FRZB: variants seen among roughly 807,000 people sequenced by gnomAD.
FRZB encodes frizzled related protein.
FRZB carries 34 observed loss-of-function variants against 32.5 expected under a neutral mutation model. The observed-to-expected ratio is 1.05, with a 90% CI of 0.80 to 1.39. FRZB has a LOEUF of 1.39. Among genes scored for constraint, FRZB ranks in the 40% most tolerant of loss-of-function variants. FRZB has a pLI of 0.00. For missense variants in FRZB, 423 were observed against 424.8 expected (o/e 1.00, Z 0.04); for synonymous variants, 170 against 159.2 (o/e 1.07, Z -0.51).
chr2:182,844,261 A>G (rs1559047759), intron 2 of FRZB, among the ~76,000 whole-genome samples: 1 of 152,196 alleles, frequency 6.6e-6, no homozygotes, highest in South Asian at 2.1e-4. Context: ...AACAATGAGT[A>G]ACATTAGTGC....
chr2:182,850,913 A>T (rs1276849612), intron 2 of FRZB, among the ~76,000 whole-genome samples: 1 of 152,182 alleles, frequency 6.6e-6, no homozygotes, highest in Non-Finnish European at 1.5e-5. Context: ...GATAAAAGCC[A>T]TTCAAACTGG....
chr2:182,843,965 G>A (rs1695612711), intron 2 of FRZB, among the ~76,000 whole-genome samples: 1 of 151,934 alleles, frequency 6.6e-6, no homozygotes, highest in South Asian at 2.1e-4. Context: ...GTTAACATGG[G>A]GAACAATAAA....
chr2:182,836,059 T>C (rs146735078), intron 5 of FRZB, among the ~76,000 whole-genome samples: 130 of 152,222 alleles, frequency 8.5e-4, no homozygotes, highest in African/African-American at 3.0e-3. Flanking sequence ...CTGAAGGTAA[T>C]TCTTCATTTC....
At chr2:182,837,520 T>C (rs1281189542) in intron 5 of FRZB, among the ~76,000 whole-genome samples, 2 of 152,002 alleles carry the variant, frequency 1.3e-5, no homozygotes, top group African/African-American at 4.8e-5. Context: ...CTCTTGGAAA[T>C]CCCTTTTACC....
rs758347224 is a variant in FRZB at position 182,858,830 on chromosome 2, A to G, written c.482T>C (p.Phe161Ser). The G allele has an allele frequency of 1.2e-6, 2 of 1,609,116 alleles. No individual in the cohort carries two copies. The highest frequency in any genetic ancestry group is 3.3e-5 in the Admixed American group (2 of 59,994). ...EAIVTADGAD[F>S]PMDSSNGNCR... is the part of the protein sequence containing the mutation. ...GTTTCCGTTACTAGAATCCATAGGAAAATCTGAAAGGAGGTGACAGAAAAA... is the reference window on the plus strand; with the variant it reads ...GTTTCCGTTACTAGAATCCATAGGAGAATCTGAAAGGAGGTGACAGAAAAA... The change falls in exon 2 of 6, where the codon TTT becomes TCT. Residue 161 changes from phenylalanine to serine, a missense_variant. Phe to Ser is a radical substitution (Grantham distance 155). Coordinates refer to ENST00000295113, the MANE Select transcript of FRZB (RefSeq NM_001463.4).
intron 2 of FRZB, among the ~76,000 whole-genome samples, chr2:182,852,965 G>T (rs1333903515): frequency 2.0e-5 from 3 of 152,216 alleles, no homozygotes; most frequent in Non-Finnish European, 4.4e-5. Flanking sequence ...TGACACTTTG[G>T]AAAGAGGTCC....
intron 5 of FRZB, among the ~76,000 whole-genome samples, chr2:182,837,474 C>G (rs1407914005): frequency 6.6e-6 from 1 of 151,994 alleles, no homozygotes; most frequent in East Asian, 1.9e-4. Context: ...CATTTTCTAG[C>G]CTGTTTTGCA....
At chr2:182,864,785 C>T (rs6433994) in intron 1 of FRZB, among the ~76,000 whole-genome samples, 91,843 of 151,664 alleles carry the variant, frequency 0.61, 28,172 homozygotes, top group African/African-American at 0.67. Context: ...GCCTAGACTG[C>T]GCAAGTTGAA....
intron 4 of FRZB, among the ~76,000 whole-genome samples, 174 bp downstream of exon 4, chr2:182,838,235 C>T (rs1199628466): frequency 3.9e-5 from 6 of 151,932 alleles, no homozygotes; most frequent in African/African-American, 2.4e-5. Context: ...ATAAACTACA[C>T]GCATACACCC....
chr2:182,864,303 G>A (rs945852687), intron 1 of FRZB, among the ~76,000 whole-genome samples: 3 of 152,076 alleles, frequency 2.0e-5, no homozygotes, highest in Non-Finnish European at 4.4e-5. Context: ...TGTGCTTTAC[G>A]GGGAGGAATG....
intron 2 of FRZB, among the ~76,000 whole-genome samples, chr2:182,853,483 A>C (rs1033794387): frequency 6.6e-6 from 1 of 152,236 alleles, no homozygotes; most frequent in Non-Finnish European, 1.5e-5. Flanking sequence ...TTCAAATAGC[A>C]ACATTACTGG....
In FRZB at chr2:182,866,503, A is replaced by T; in HGVS notation, c.50T>A (p.Leu17His). 1 of 1,516,576 alleles carries T rather than the reference A, an allele frequency of 6.6e-7. No individual in the cohort carries two copies. The highest frequency in any genetic ancestry group is 2.3e-5 in the East Asian group (1 of 42,702). The allele number at this position is 1,516,576 out of a possible 1,614,324, so 93.9% of individuals were successfully genotyped here. The part of the protein sequence containing the change: ...GGMLLLRAGL[L>H]ALAALCLLRV... ...GAGCAGGCAGAGAGCAGCCAGGGCA[A>T]GCAGCCCGGCCCGCAGCAGCAGCAT... is the stretch of plus-strand genomic sequence containing the variant. Residue 17 changes from leucine (L) to histidine (H), a missense_variant, in exon 1 of 6, where the codon CTT (leucine) becomes CAT (histidine). Transcript: ENST00000295113. This position sits in a 1 kb window ranked among gnomAD's most constrained non-coding sequence, Gnocchi z 4.5.
In FRZB at chr2:182,866,282, T is replaced by C. The variant is rs559528102; in HGVS notation, c.271A>G (p.Met91Val). ...TCAATGGTGCAGATGGGCGCGTACA[T>C]GGCACAGAGGAAGAAGAGCAGATCG... ...SPDLLFFLCA[M>V]YAPICTIDFQ... The change falls in exon 1 of 6, where the codon ATG becomes GTG. Residue 91 changes from methionine to valine, a missense_variant. Transcript: ENST00000295113. The surrounding 1 kb of genome is among the most constrained non-coding windows in gnomAD (Gnocchi z 4.5). 4 of 1,614,220 alleles carry C rather than the reference T, an allele frequency of 2.5e-6. No homozygotes were observed. Among genetic ancestry groups the C allele is most frequent in the African/African-American group, 1.3e-5 (1 of 75,062 alleles).
chr2:182,848,070 T>TAAA (rs11361784), intron 2 of FRZB, among the ~76,000 whole-genome samples: 115 of 139,932 alleles, frequency 8.2e-4, no homozygotes, highest in African/African-American at 3.0e-3. Flanking sequence ...CTCAACATGG[T>TAAA]AAAAAAAAAA....
intron 2 of FRZB, among the ~76,000 whole-genome samples, chr2:182,843,891 A>T (rs979616391): frequency 2.6e-5 from 4 of 152,076 alleles, no homozygotes; most frequent in Admixed American, 2.6e-4. Context: ...AGCTCAAGCC[A>T]CTGCACTCCA....
Position 182,866,514 on chromosome 2 carries a change from C to T in FRZB, c.39G>A (p.Arg13=). The T allele has an allele frequency of 6.7e-7, 1 of 1,497,834 alleles. No individual in the cohort carries two copies. The highest frequency in any genetic ancestry group is 8.9e-7 in the Non-Finnish European group (1 of 1,124,582). 92.8% of individuals were successfully genotyped at this position (1,497,834 alleles called of 1,614,324 possible). The change falls in exon 1 of 6, where the codon CGG becomes CGA. Residue 13 remains arginine (R), a synonymous_variant. Transcript: ENST00000295113. The surrounding 1 kb of genome is among the most constrained non-coding windows in gnomAD (Gnocchi z 4.5). ...CGSPGGMLLL[R]AGLLALAALC... is the part of the protein sequence containing the mutation. ...GAGCAGCCAGGGCAAGCAGCCCGGC[C>T]CGCAGCAGCAGCATCCCTCCCGGGC...
At chr2:182,865,927 A>G in intron 1 of FRZB, 148 bp downstream of exon 1, 1 of 653,754 alleles carries the variant, frequency 1.5e-6, no homozygotes, top group Non-Finnish European at 2.6e-6. Flanking sequence ...AGAAGAAAGA[A>G]GAAGAAGGGT....
intron 1 of FRZB, among the ~76,000 whole-genome samples, chr2:182,861,076 A>G (rs1695826948): frequency 6.6e-6 from 1 of 152,198 alleles, no homozygotes; most frequent in South Asian, 2.1e-4. Flanking sequence ...GTGAAGTCAG[A>G]ATCTCTTATC....
chr2:182,861,215 T>C (rs996285538), intron 1 of FRZB, among the ~76,000 whole-genome samples: 1 of 152,252 alleles, frequency 6.6e-6, no homozygotes, highest in Admixed American at 6.5e-5. Flanking sequence ...ACAGATTCTC[T>C]AGAAAGTTAG....
Sources: allele counts gnomAD v4.1 joint callset (sites outside exome capture counted in the v4.1 genomes callset), GRCh38; gene constraint gnomAD v4.1.1; non-coding constraint Gnocchi (gnomAD v3.1); transcripts MANE v1.5; gene names NCBI Gene and HGNC (gene_info 2026-07-23, HGNC 2026-07-21).